Variants in COA1 observed in about 807,000 individuals in gnomAD.
COA1 encodes the protein cytochrome c oxidase assembly factor 1.
In COA1, 13 loss-of-function variants were observed where a neutral mutation model predicts 16.0. The observed-to-expected ratio is 0.81, with a 90% CI of 0.53 to 1.29. COA1 has a LOEUF of 1.29. COA1 is among the 50% of genes most tolerant of loss of function. The pLI is 0.00. For missense variants in COA1, 179 were observed against 177.0 expected (o/e 1.01, Z -0.06); for synonymous variants, 65 against 65.7 (o/e 0.99, Z 0.05).
intron 1 of COA1, among the ~76,000 whole-genome samples, chr7:43,662,293 G>A (rs138830895): frequency 2.8e-3 from 419 of 152,318 alleles, no homozygotes; most frequent in African/African-American, 9.4e-3. Context: ...GCAGTGGCAC[G>A]ATCCTGGCTC....
At chr7:43,702,904 G>T (rs2131442053) in intron 1 of COA1, among the ~76,000 whole-genome samples, 1 of 152,180 alleles carries the variant, frequency 6.6e-6, no homozygotes, top group East Asian at 1.9e-4. Context: ...AGGTTGGTTT[G>T]CTCTTGTTTT....
At chr7:43,623,505 ATC>A in intron 6 of COA1, 3 of 1,381,136 alleles carry the variant, frequency 2.2e-6, no homozygotes, top group Non-Finnish European at 3.0e-6. Context: ...TTAGTTTTTT[ATC>A]TCTTAGAGCA....
At chr7:43,690,066 C>T (rs1049852255) in intron 1 of COA1, among the ~76,000 whole-genome samples, 1 of 151,890 alleles carries the variant, frequency 6.6e-6, no homozygotes, top group African/African-American at 2.4e-5. Flanking sequence ...AAATTGTCTG[C>T]AAGAATGGCC....
chr7:43,698,498 A>G (rs569828193), intron 1 of COA1, among the ~76,000 whole-genome samples: 1 of 152,326 alleles, frequency 6.6e-6, no homozygotes, highest in South Asian at 2.1e-4. Context: ...CAGATATTGA[A>G]AACTTGTCAT....
At chr7:43,653,946 C>T (rs2091305372) in intron 1 of COA1, among the ~76,000 whole-genome samples, 1 of 152,036 alleles carries the variant, frequency 6.6e-6, no homozygotes, top group Non-Finnish European at 1.5e-5. Context: ...TCAGAAATTC[C>T]ATTTAAAATA....
intron 6 of COA1, chr7:43,622,362 TG>T (rs1375794330): frequency 6.6e-6 from 1 of 152,210 alleles, no homozygotes; most frequent in Non-Finnish European, 1.5e-5. Flanking sequence ...ATTTATTCTA[TG>T]GGGGTTTGTC....
chr7:43,690,371 G>A (rs184883718), intron 1 of COA1, among the ~76,000 whole-genome samples: 103 of 152,070 alleles, frequency 6.8e-4, no homozygotes, highest in African/African-American at 2.3e-3. Flanking sequence ...GCCGATCAAC[G>A]AGTGGATAAA....
intron 1 of COA1, among the ~76,000 whole-genome samples, chr7:43,672,791 AG>A (rs1278403585): frequency 2.1e-5 from 3 of 145,430 alleles, no homozygotes; most frequent in South Asian, 2.2e-4. Context: ...AAAAAAAAAG[AG>A]AGAGAGACAG....
At chr7:43,711,570 C>T (rs1451818111) in intron 1 of COA1, 1 of 152,180 alleles carries the variant, frequency 6.6e-6, no homozygotes, top group Non-Finnish European at 1.5e-5. Context: ...TCATGTGTCA[C>T]CTAACAATCA....
At chr7:43,618,158 G>A (rs12702053) in intron 6 of COA1, among the ~76,000 whole-genome samples, 51,423 of 152,024 alleles carry the variant, frequency 0.34, 9,825 homozygotes, top group Non-Finnish European at 0.45. Flanking sequence ...ACAGCTAACA[G>A]AACAATAGAG....
rs764989171 is a variant in COA1 at position 43,644,710 on chromosome 7, T to TTAGATAGATAGATAGATAGA, written c.264+521_264+540dup. On this transcript the variant is annotated intron_variant, in intron 4 of 5. Coordinates refer to ENST00000223336, the MANE Select transcript of COA1 (RefSeq NM_018224.4). ...CCTGGCTAAATTATAGATAGATAGA[T>TTAGATAGATAGATAGATAGA]TAGATAGATAGATAGATAGATAGAT... is the stretch of plus-strand genomic sequence containing the variant. 6.2e-3 allele frequency among the ~76,000 whole-genome samples: 354 copies of TTAGATAGATAGATAGATAGA among 56,910 alleles called. 5 individuals are homozygous for TTAGATAGATAGATAGATAGA. The highest frequency in any genetic ancestry group is 0.012 in the East Asian group (36 of 3,078). 37.3% of individuals were successfully genotyped at this position (56,910 alleles called of 152,430 possible).
intron 1 of COA1, among the ~76,000 whole-genome samples, chr7:43,723,428 T>C (rs947739569): frequency 3.5e-4 from 54 of 152,286 alleles, no homozygotes; most frequent in African/African-American, 1.3e-3. Flanking sequence ...TATATTTGCA[T>C]TGAGGGAGGT....
intron 1 of COA1, among the ~76,000 whole-genome samples, chr7:43,651,037 C>T (rs1244125140): frequency 6.6e-6 from 1 of 151,974 alleles, no homozygotes; most frequent in Non-Finnish European, 1.5e-5. Flanking sequence ...CTTCAGCTGC[C>T]TTTCAAAGAG....
At chr7:43,675,760 T>C (rs924688826) in intron 1 of COA1, among the ~76,000 whole-genome samples, 2 of 152,092 alleles carry the variant, frequency 1.3e-5, no homozygotes, top group Non-Finnish European at 2.9e-5. Flanking sequence ...AGATTACACT[T>C]TGAAGGGAAA....
chr7:43,636,937 G>A (rs1022040833), downstream of COA1, among the ~76,000 whole-genome samples: 3 of 152,184 alleles, frequency 2.0e-5, no homozygotes, highest in Non-Finnish European at 2.9e-5. Context: ...TTCACACACT[G>A]TGGCCAACCT....
chr7:43,684,809 G>C (rs2093943049), intron 1 of COA1, among the ~76,000 whole-genome samples: 1 of 152,078 alleles, frequency 6.6e-6, no homozygotes, highest in Non-Finnish European at 1.5e-5. Flanking sequence ...GACACTTTTG[G>C]GGTAGCCTGA....
chr7:43,613,164 A>G (rs1554481879), intron 6 of COA1, among the ~76,000 whole-genome samples: 1 of 152,190 alleles, frequency 6.6e-6, no homozygotes, highest in Non-Finnish European at 1.5e-5. Context: ...TCAGTCTTTC[A>G]GCAGTGTTAG....
chr7:43,683,503 A>G (rs2093869695), intron 1 of COA1, among the ~76,000 whole-genome samples: 1 of 152,134 alleles, frequency 6.6e-6, no homozygotes, highest in Non-Finnish European at 1.5e-5. Context: ...GCATGGTGGC[A>G]GGCACCTGTA....
intron 1 of COA1, among the ~76,000 whole-genome samples, chr7:43,658,179 A>C (rs2092005790): frequency 6.6e-6 from 1 of 152,104 alleles, no homozygotes; most frequent in African/African-American, 2.4e-5. Flanking sequence ...GATCGAGACC[A>C]TCCTGGCTAA....
Sources: allele counts gnomAD v4.1 joint callset (sites outside exome capture counted in the v4.1 genomes callset), GRCh38; gene constraint gnomAD v4.1.1; transcripts MANE v1.5; gene names NCBI Gene and HGNC (gene_info 2026-07-23, HGNC 2026-07-21).